The following EML6 variants were observed in gnomAD, a reference collection of about 807,000 sequenced individuals.
EML6 encodes echinoderm microtubule-associated protein-like 6.
EML6 carries 154 observed loss-of-function variants against 240.1 expected under a neutral mutation model. That is an observed-to-expected ratio of 0.64 (90% CI 0.56 to 0.73). The LOEUF is 0.73. Among genes scored for constraint, EML6 ranks in the 30% least tolerant of loss-of-function variants. The pLI is 0.00. For missense variants in EML6, 2,964 were observed against 2,474.6 expected, an observed-to-expected ratio of 1.20 and a Z score of -4.20; for synonymous variants, 1,148 against 899.0, an observed-to-expected ratio of 1.28 and a Z score of -4.95.
At chr2:54,905,515 C>G (rs1573113712) in intron 24 of EML6, among the ~76,000 whole-genome samples, 1 of 152,020 alleles carries the variant, frequency 6.6e-6, no homozygotes, top group Admixed American at 6.6e-5. Flanking sequence ...GGGAAGATTT[C>G]TTAATTATTT....
intron 2 of EML6, among the ~76,000 whole-genome samples, chr2:54,788,391 A>G (rs184083852): frequency 6.6e-6 from 1 of 152,358 alleles, no homozygotes; most frequent in East Asian, 1.9e-4. Flanking sequence ...GAGAAGATCT[A>G]CAAGGGTGGC....
chr2:54,839,902 A>T (rs1284903343), intron 7 of EML6, among the ~76,000 whole-genome samples: 2 of 152,226 alleles, frequency 1.3e-5, no homozygotes, highest in Admixed American at 6.5e-5. Context: ...AAAAGAGAGG[A>T]TATATAGATA....
chr2:54,968,907 GTCC>G, intron 41 of EML6, 139 bp downstream of exon 41: 1 of 592,576 alleles, frequency 1.7e-6, no homozygotes, highest in Non-Finnish European at 3.0e-6. Context: ...AATTCCATGA[GTCC>G]TCATGAAGGC....
At chr2:54,878,343 G>T (rs1182696524) in intron 16 of EML6, among the ~76,000 whole-genome samples, 3 of 152,174 alleles carry the variant, frequency 2.0e-5, no homozygotes, top group Non-Finnish European at 4.4e-5. Flanking sequence ...GCCCTTGGTA[G>T]TCAGAGAAGA....
chr2:54,956,901 G>A (rs189339922), intron 32 of EML6, among the ~76,000 whole-genome samples: 6 of 152,212 alleles, frequency 3.9e-5, no homozygotes, highest in Admixed American at 3.9e-4. Flanking sequence ...AAAATAATGA[G>A]ATTAAAAAAG....
chr2:54,729,468 A>G (rs1283781471), intron 2 of EML6, among the ~76,000 whole-genome samples: 1 of 152,198 alleles, frequency 6.6e-6, no homozygotes, highest in African/African-American at 2.4e-5. Flanking sequence ...CTCAGAACTA[A>G]ATGTGTATAT....
At chr2:54,797,430 A>T (rs1251147835) in intron 2 of EML6, among the ~76,000 whole-genome samples, 1 of 152,148 alleles carries the variant, frequency 6.6e-6, no homozygotes, top group Non-Finnish European at 1.5e-5. Flanking sequence ...TGCTTAGGAT[A>T]CACCTTAAAC....
intron 41 of EML6, among the ~76,000 whole-genome samples, chr2:54,969,205 AGAGTAT>A (rs1401430628): frequency 6.6e-6 from 1 of 152,224 alleles, no homozygotes; most frequent in Non-Finnish European, 1.5e-5. Context: ...TACTCTAAAT[AGAGTAT>A]AGAGGAACAG....
chr2:54,798,031 A>G (rs553409172), intron 2 of EML6, among the ~76,000 whole-genome samples: 3 of 152,302 alleles, frequency 2.0e-5, no homozygotes, highest in Non-Finnish European at 2.9e-5. Context: ...ATTTCTATAA[A>G]AAAGCTTGTT....
chr2:54,862,570 AAAGAG>A (rs1181146516), intron 12 of EML6, among the ~76,000 whole-genome samples: 1 of 152,092 alleles, frequency 6.6e-6, no homozygotes, highest in Admixed American at 6.6e-5. Context: ...AACATGCCAA[AAAGAG>A]AAGAGAGAGA....
intron 2 of EML6, among the ~76,000 whole-genome samples, chr2:54,770,938 T>C (rs1668377469): frequency 6.6e-6 from 1 of 152,058 alleles, no homozygotes; most frequent in African/African-American, 2.4e-5. Context: ...TTCATGTTGG[T>C]GAATGGTTGT....
rs576214877 is a variant in EML6 at position 54,725,004 on chromosome 2, C to A, written c.-58C>A. On this transcript the variant is annotated 5_prime_UTR_variant, in exon 2 of 42. Transcript: ENST00000356458. The surrounding 1 kb of genome is among the most constrained non-coding windows in gnomAD (Gnocchi z 4.3). ...CCTGCAGGTCCGCCGCAGCCCCAGC[C>A]TCGGCGAGGACGGCCCCGGCGCGCG... 1.0e-4 allele frequency: 140 copies of A among 1,379,848 alleles called. No individual in the cohort carries two copies. The African/African-American group carries it at 1.8e-3, about 18-fold the overall frequency. 85.5% of individuals were successfully genotyped at this position (1,379,848 alleles called of 1,614,324 possible). A position where few individuals can be genotyped will look rare whatever the true frequency, so the allele number is the denominator to read the frequency against.
intron 22 of EML6, among the ~76,000 whole-genome samples, chr2:54,902,667 G>A (rs1011406605): frequency 6.6e-6 from 1 of 152,180 alleles, no homozygotes; most frequent in African/African-American, 2.4e-5. Flanking sequence ...CCAAGGTGCT[G>A]GGATTACAGG....
At chr2:54,884,186 G>T (rs1671994442) in intron 17 of EML6, among the ~76,000 whole-genome samples, 1 of 152,124 alleles carries the variant, frequency 6.6e-6, no homozygotes, top group African/African-American at 2.4e-5. Context: ...TGCTGGAGTT[G>T]CTCAGAGAAC....
intron 2 of EML6, among the ~76,000 whole-genome samples, chr2:54,732,327 C>A (rs1252144082): frequency 3.3e-5 from 5 of 151,814 alleles, no homozygotes; most frequent in Admixed American, 3.3e-4. Context: ...TTAATTTTTT[C>A]TTTTTTATGC....
intron 28 of EML6, among the ~76,000 whole-genome samples, chr2:54,945,522 T>G (rs555059467): frequency 6.6e-6 from 1 of 152,090 alleles, no homozygotes; most frequent in Non-Finnish European, 1.5e-5. Flanking sequence ...TAGAAACTGG[T>G]TGGAACGACT....
At chr2:54,788,099 A>AC (rs1249215137) in intron 2 of EML6, among the ~76,000 whole-genome samples, 1 of 152,156 alleles carries the variant, frequency 6.6e-6, no homozygotes, top group Non-Finnish European at 1.5e-5. Context: ...AAACTAGCCA[A>AC]CCACTGCCCT....
intron 3 of EML6, among the ~76,000 whole-genome samples, chr2:54,814,630 C>G (rs994677789): frequency 6.6e-6 from 1 of 152,154 alleles, no homozygotes; most frequent in South Asian, 2.1e-4. Flanking sequence ...TGGTGCCATG[C>G]AAAGATCTGT....
intron 8 of EML6, among the ~76,000 whole-genome samples, chr2:54,846,078 T>C (rs1359058612): frequency 6.6e-6 from 1 of 152,176 alleles, no homozygotes; most frequent in Admixed American, 6.5e-5. Flanking sequence ...TGCTGAAAGC[T>C]TTGTTTGAGC....
Sources: allele counts gnomAD v4.1 joint callset (sites outside exome capture counted in the v4.1 genomes callset), GRCh38; gene constraint gnomAD v4.1.1; non-coding constraint Gnocchi (gnomAD v3.1); transcripts MANE v1.5; gene names NCBI Gene and HGNC (gene_info 2026-07-23, HGNC 2026-07-21).